The following STX19 variants were observed in gnomAD, a reference collection of about 807,000 sequenced individuals.
The protein encoded by STX19 is syntaxin 19.
STX19 carries 26 observed loss-of-function variants against 24.3 expected under a neutral mutation model. That is an observed-to-expected ratio of 1.07 (90% CI 0.78 to 1.48). The LOEUF is 1.48. Among genes scored for constraint, STX19 ranks in the 40% most tolerant of loss-of-function variants. The pLI, the probability that STX19 is intolerant of heterozygous loss-of-function variation, is 0.00. For missense variants in STX19, 367 were observed against 331.9 expected, an observed-to-expected ratio of 1.11 and a Z score of -0.82; for synonymous variants, 116 against 106.9, an observed-to-expected ratio of 1.09 and a Z score of -0.52.
In STX19 at chr3:94,014,697, C is replaced by G; in HGVS notation, c.573G>C (p.Trp191Cys). Residue 191 changes from tryptophan to cysteine, a missense_variant, in exon 2 of 2, where the codon TGG becomes TGC. Trp to Cys is a radical substitution (Grantham distance 215). Coordinates refer to ENST00000315099, the MANE Select transcript of STX19 (RefSeq NM_001001850.3). ...TAAGTAAGCTTTCATTAAAAACTTC[C>G]CATTTTCCTTGATGAAGCATATCAT... ...DVNDMLHQGK[W>C]EVFNESLLTE... 3.1e-6 allele frequency: 5 copies of G among 1,612,958 alleles called. No individual in the cohort carries two copies. Among genetic ancestry groups the G allele is most frequent in the Non-Finnish European group, 4.2e-6 (5 of 1,179,808 alleles).
intron 1 of STX19, among the ~76,000 whole-genome samples, chr3:94,019,312 T>G (rs1176886132): frequency 6.6e-6 from 1 of 152,094 alleles, no homozygotes; most frequent in Non-Finnish European, 1.5e-5. Context: ...TTCTTCTGCC[T>G]CAGCCTCCCG....
intron 1 of STX19, among the ~76,000 whole-genome samples, chr3:94,026,073 G>T (rs956088599): frequency 6.7e-6 from 1 of 148,830 alleles, no homozygotes; most frequent in South Asian, 2.1e-4. Flanking sequence ...AGGCTGGAGT[G>T]CAGTGGCACC....
rs1436314825 is a variant in STX19, at chr3:94,014,708, G to A, written c.562C>T (p.Gln188Ter). Reference protein sequence around the residue: ...SEEDVNDMLHQGKWEVFNESL... With the variant: ...SEEDVNDMLH Reference sequence around the variant, plus strand: ...TCATTAAAAACTTCCCATTTTCCTTGATGAAGCATATCATTTACATCTTCT... The same window carrying A: ...TCATTAAAAACTTCCCATTTTCCTTAATGAAGCATATCATTTACATCTTCT... Residue 188 changes from glutamine (Q) to a stop codon, truncating the protein, a stop_gained, in exon 2 of 2, where the codon CAA (glutamine) becomes TAA (stop). Transcript: ENST00000315099. LOFTEE classifies it high-confidence loss of function. 1.9e-6 allele frequency: 3 copies of A among 1,612,642 alleles called. No individual in the cohort carries two copies. The African/African-American group carries it at 4.0e-5, about 22-fold the overall frequency.
At chr3:94,024,436 A>AT (rs2076514538) in intron 1 of STX19, among the ~76,000 whole-genome samples, 1 of 152,258 alleles carries the variant, frequency 6.6e-6, no homozygotes, top group South Asian at 2.1e-4. Flanking sequence ...ACAATGGTTC[A>AT]GTAGCTTTTA....
rs761013552 is a variant in STX19 at position 94,014,698 on chromosome 3, C to T, written c.572G>A (p.Trp191Ter). Residue 191 changes from tryptophan to a stop codon, truncating the protein, a stop_gained, in exon 2 of 2, where the codon TGG becomes TAG. Transcript: ENST00000315099. LOFTEE classifies it high-confidence loss of function. Reference protein sequence around the residue: ...DVNDMLHQGKWEVFNESLLTE... With the variant: ...DVNDMLHQGK ...AAGTAAGCTTTCATTAAAAACTTCC[C>T]ATTTTCCTTGATGAAGCATATCATT... 1 of 1,612,988 alleles carries T rather than the reference C, an allele frequency of 6.2e-7. No individual in the cohort carries two copies. Among genetic ancestry groups the T allele is most frequent in the Non-Finnish European group, 8.5e-7 (1 of 1,179,794 alleles).
rs530812141 is a variant in STX19, at chr3:94,023,481, C to T, written c.-14+4886G>A. ...TTCAACCTAGAAACTCATGTATTTACGGTCTTGCTTTTTTTTTAAATAATT... is the reference window on the plus strand; with the variant it reads ...TTCAACCTAGAAACTCATGTATTTATGGTCTTGCTTTTTTTTTAAATAATT... On this transcript the variant is annotated intron_variant, in intron 1 of 1. Transcript: ENST00000315099. 2.6e-5 allele frequency among the ~76,000 whole-genome samples: 4 copies of T among 151,960 alleles called. No individual in the cohort carries two copies. The South Asian group carries it at 6.2e-4, about 24-fold the overall frequency.
intron 1 of STX19, 64 bp from the exon 2 acceptor site, chr3:94,015,346 GA>G: frequency 2.4e-6 from 3 of 1,274,772 alleles, no homozygotes; most frequent in Non-Finnish European, 2.1e-6. Flanking sequence ...AGTAGCAGTT[GA>G]CTTCACATAA....
intron 1 of STX19, among the ~76,000 whole-genome samples, chr3:94,021,350 A>G (rs372543318): frequency 2.1e-4 from 32 of 152,028 alleles, no homozygotes; most frequent in African/African-American, 7.5e-4. Context: ...GCCCATCACC[A>G]TGCCCAGATA....
chr3:94,016,999 T>C (rs374528129), intron 1 of STX19, among the ~76,000 whole-genome samples: 3 of 152,164 alleles, frequency 2.0e-5, no homozygotes, highest in African/African-American at 7.2e-5. Flanking sequence ...TTATAAATAA[T>C]AGTCTGATGT....
intron 1 of STX19, among the ~76,000 whole-genome samples, chr3:94,016,277 A>G (rs1245520968): frequency 6.6e-6 from 1 of 152,212 alleles, no homozygotes; most frequent in African/African-American, 2.4e-5. Context: ...TGGACCACAT[A>G]TAATATTAAT....
chr3:94,017,161 T>C (rs2076350943), intron 1 of STX19, among the ~76,000 whole-genome samples: 1 of 152,164 alleles, frequency 6.6e-6, no homozygotes, highest in African/African-American at 2.4e-5. Context: ...TGGAAAACCA[T>C]ACCAAATGGA....
At chr3:94,025,134 T>C (rs985168751) in intron 1 of STX19, among the ~76,000 whole-genome samples, 12 of 152,082 alleles carry the variant, frequency 7.9e-5, no homozygotes, top group Admixed American at 1.3e-4. Context: ...TTTTTATCCA[T>C]GTAATATCAT....
intron 1 of STX19, among the ~76,000 whole-genome samples, chr3:94,016,356 T>C (rs1052458754): frequency 6.6e-6 from 1 of 152,162 alleles, no homozygotes; most frequent in Non-Finnish European, 1.5e-5. Context: ...TTGATATGTT[T>C]ATGGAAATAT....
chr3:94,024,689 G>A (rs571970404), intron 1 of STX19, among the ~76,000 whole-genome samples: 22 of 152,096 alleles, frequency 1.4e-4, no homozygotes, highest in Admixed American at 4.6e-4. Context: ...AGGCTCAAGT[G>A]ATCCTTCTCC....
intron 1 of STX19, among the ~76,000 whole-genome samples, chr3:94,022,492 C>T (rs1246579760): frequency 6.6e-6 from 1 of 152,026 alleles, no homozygotes; most frequent in Non-Finnish European, 1.5e-5. Flanking sequence ...TCTTCTCTCA[C>T]ACCCCCATTC....
chr3:94,021,966 T>C (rs1322178682), intron 1 of STX19, among the ~76,000 whole-genome samples: 1 of 152,062 alleles, frequency 6.6e-6, no homozygotes, highest in Non-Finnish European at 1.5e-5. Context: ...GATATATATC[T>C]GACCCTTACC....
rs2076283489 is a variant in STX19, at chr3:94,014,415, A to G, written c.855T>C (p.Cys285=). The G allele has an allele frequency of 1.9e-6, 3 of 1,562,258 alleles. No homozygotes were observed. The East Asian group carries it at 6.7e-5, about 35-fold the overall frequency. The change falls in exon 2 of 2, where the codon TGT becomes TGC. Residue 285 remains cysteine, a synonymous_variant. Transcript: ENST00000315099. ...TTGAGCTACAGCATGGACAGCACCA[A>G]CAACACAGTACTCTGCAAGGATTTC... ...KKRNPCRVLC[C]WCCPCCSSK
intron 1 of STX19, among the ~76,000 whole-genome samples, chr3:94,020,795 A>G (rs1266887801): frequency 1.3e-5 from 2 of 152,152 alleles, no homozygotes; most frequent in African/African-American, 4.8e-5. Flanking sequence ...TATTTCACCT[A>G]TTTTAAATAC....
rs567858834 is a variant in STX19, at chr3:94,014,622, G to A, written c.648C>T (p.His216=). 2 of 1,613,424 alleles carry A rather than the reference G, an allele frequency of 1.2e-6. No individual in the cohort carries two copies. The highest frequency in any genetic ancestry group is 2.2e-5 in the East Asian group (1 of 44,838). ...GGTTCTCCAAATTAACAAGTTCCTT[G>A]TGTCTCTGTTCAATCTCTGAAAGTT... ...KAQLSEIEQR[H]KELVNLENQI... The change falls in exon 2 of 2, where the codon CAC becomes CAT. Residue 216 remains histidine, a synonymous_variant. Transcript: ENST00000315099.
Sources: gnomAD v4.1 joint callset for allele counts (sites outside exome capture counted in the v4.1 genomes callset) on GRCh38, gnomAD v4.1.1 for gene constraint, MANE v1.5 for transcripts, NCBI Gene and HGNC (gene_info 2026-07-23, HGNC 2026-07-21) for gene names.